The following SOBP variants were observed in gnomAD, a reference collection of about 807,000 sequenced individuals.
SOBP encodes sine oculis-binding protein homolog.
In SOBP, 4 loss-of-function variants were observed where a neutral mutation model predicts 53.6. That is an observed-to-expected ratio of 0.07 (90% confidence interval 0.04 to 0.17). The LOEUF (loss-of-function observed/expected upper bound fraction) is 0.17, where lower values mean the gene tolerates loss of function less well. Ranked by LOEUF, SOBP falls within the 10% of genes least tolerant of loss-of-function variation. The pLI is 1.00. For missense variants in SOBP, 1,088 were observed against 1,204.7 expected, an observed-to-expected ratio of 0.90 and a Z score of 1.43; for synonymous variants, 584 against 522.6, an observed-to-expected ratio of 1.12 and a Z score of -1.60.
chr6:107,628,170 T>A (rs1562110710), intron 5 of SOBP, among the ~76,000 whole-genome samples: 1 of 152,256 alleles, frequency 6.6e-6, no homozygotes, highest in Non-Finnish European at 1.5e-5. Flanking sequence ...GTTCTAACGC[T>A]CATTTCCAAG....
intron 4 of SOBP, among the ~76,000 whole-genome samples, chr6:107,564,577 G>GAGTA (rs1784863989): frequency 1.9e-5 from 2 of 104,368 alleles, no homozygotes; most frequent in Non-Finnish European, 4.0e-5. Flanking sequence ...GTTAGTTGTT[G>GAGTA]ACCATAGCTC....
At chr6:107,620,167 C>G (rs1786951758) in intron 5 of SOBP, among the ~76,000 whole-genome samples, 1 of 152,298 alleles carries the variant, frequency 6.6e-6, no homozygotes, top group African/African-American at 2.4e-5. Flanking sequence ...TGCCTTACTG[C>G]TCCCAAGGAG....
At chr6:107,609,162 G>A (rs545521734) in intron 5 of SOBP, among the ~76,000 whole-genome samples, 1 of 152,284 alleles carries the variant, frequency 6.6e-6, no homozygotes, top group East Asian at 1.9e-4. Context: ...TGCCCACACT[G>A]TGTACTTATT....
chr6:107,647,796 C>G (rs1771624315), intron 6 of SOBP, among the ~76,000 whole-genome samples: 1 of 152,068 alleles, frequency 6.6e-6, no homozygotes, highest in Non-Finnish European at 1.5e-5. Flanking sequence ...TGCCAAGCAC[C>G]AGAGTCATAT....
intron 5 of SOBP, among the ~76,000 whole-genome samples, chr6:107,619,495 G>A (rs773925086): frequency 6.6e-6 from 1 of 152,080 alleles, no homozygotes; most frequent in Admixed American, 6.5e-5. Context: ...ATTGGGCCAT[G>A]GGATCCTTTT....
chr6:107,630,083 G>A (rs1192638519), intron 5 of SOBP, among the ~76,000 whole-genome samples: 1 of 152,200 alleles, frequency 6.6e-6, no homozygotes, highest in Non-Finnish European at 1.5e-5. Context: ...CTGTTAGTGA[G>A]AGAAGTGGAA....
At chr6:107,493,412 G>A (rs1350629790) in intron 1 of SOBP, among the ~76,000 whole-genome samples, 1 of 152,182 alleles carries the variant, frequency 6.6e-6, no homozygotes, top group Non-Finnish European at 1.5e-5. Context: ...AAGGCTTGAA[G>A]GTAGGGGAAA....
At chr6:107,632,515 C>T (rs1046154585) in intron 5 of SOBP, among the ~76,000 whole-genome samples, 2 of 152,186 alleles carry the variant, frequency 1.3e-5, no homozygotes, top group African/African-American at 4.8e-5. Flanking sequence ...AAACAAGAGT[C>T]ATATTTGAAT....
chr6:107,593,001 A>G (rs1785812050), intron 5 of SOBP, among the ~76,000 whole-genome samples: 1 of 152,182 alleles, frequency 6.6e-6, no homozygotes, highest in African/African-American at 2.4e-5. Flanking sequence ...ATTCCACTTG[A>G]GTCATATTTC....
intron 4 of SOBP, among the ~76,000 whole-genome samples, chr6:107,559,204 G>A (rs75673992): frequency 2.0e-5 from 3 of 151,994 alleles, no homozygotes; most frequent in Non-Finnish European, 4.4e-5. Context: ...AAAAAAAAAA[G>A]CTAGCTTATA....
At chr6:107,530,187 C>T (rs1255606922) in intron 3 of SOBP, among the ~76,000 whole-genome samples, 1 of 151,828 alleles carries the variant, frequency 6.6e-6, no homozygotes, top group Non-Finnish European at 1.5e-5. Context: ...TTAGGTTTTC[C>T]CTAGCTTGAA....
intron 4 of SOBP, among the ~76,000 whole-genome samples, chr6:107,577,006 A>G (rs1191815815): frequency 1.3e-5 from 2 of 151,134 alleles, no homozygotes; most frequent in Non-Finnish European, 2.9e-5. Flanking sequence ...ATTTGTTTCA[A>G]TTTGTGACTC....
intron 4 of SOBP, among the ~76,000 whole-genome samples, chr6:107,569,018 T>G (rs1404962732): frequency 1.3e-5 from 2 of 152,154 alleles, no homozygotes; most frequent in African/African-American, 2.4e-5. Context: ...GGAAAACAGT[T>G]GTTTTAAAAG....
At chr6:107,654,289 A>G (rs1166015261) in intron 6 of SOBP, among the ~76,000 whole-genome samples, 2 of 152,164 alleles carry the variant, frequency 1.3e-5, no homozygotes, top group East Asian at 1.9e-4. Flanking sequence ...TTTGTATGTA[A>G]TTGTGTGTGT....
At chr6:107,505,614 C>T (rs1017548408) in intron 2 of SOBP, among the ~76,000 whole-genome samples, 18 of 151,218 alleles carry the variant, frequency 1.2e-4, no homozygotes, top group African/African-American at 2.7e-4. Context: ...TGAGCCACTG[C>T]GCCTAGTCAC....
chr6:107,652,187 G>A (rs75733316), intron 6 of SOBP, among the ~76,000 whole-genome samples: 1 of 152,096 alleles, frequency 6.6e-6, no homozygotes, highest in Non-Finnish European at 1.5e-5. Flanking sequence ...TAACAGATTT[G>A]GGCAAAGTAC....
chr6:107,512,065 T>A (rs1381852257), intron 3 of SOBP, among the ~76,000 whole-genome samples: 1 of 151,626 alleles, frequency 6.6e-6, no homozygotes, highest in East Asian at 2.0e-4. Context: ...AGGCAAGCCA[T>A]GAAGAAAACT....
intron 4 of SOBP, among the ~76,000 whole-genome samples, chr6:107,586,784 G>A (rs937130122): frequency 4.6e-5 from 7 of 152,050 alleles, no homozygotes; most frequent in South Asian, 2.1e-4. Context: ...TGAACAATGC[G>A]CACTGAAAAA....
intron 5 of SOBP, among the ~76,000 whole-genome samples, chr6:107,619,297 A>G (rs1362966368): frequency 6.6e-6 from 1 of 152,230 alleles, no homozygotes; most frequent in Non-Finnish European, 1.5e-5. Flanking sequence ...AGCATTTTTC[A>G]AAGTGTTTTC....
Sources: gnomAD v4.1 joint callset for allele counts (sites outside exome capture counted in the v4.1 genomes callset) on GRCh38, gnomAD v4.1.1 for gene constraint, MANE v1.5 for transcripts, NCBI Gene and HGNC (gene_info 2026-07-23, HGNC 2026-07-21) for gene names.